Variants in TUSC3 observed in about 807,000 individuals in gnomAD.
TUSC3 encodes the protein tumor suppressor candidate 3, also known as dolichyl-diphosphooligosaccharide--protein glycosyltransferase subunit TUSC3.
In TUSC3, 45 loss-of-function variants were observed where a neutral mutation model predicts 44.8. The ratio of observed to expected loss-of-function variants is 1.00; its 90% CI spans 0.79 to 1.29. The LOEUF is 1.29. Among genes scored for constraint, TUSC3 ranks in the 50% most tolerant of loss-of-function variants. The pLI is 0.00. For synonymous variants in TUSC3, 212 were observed against 152.9 expected, an observed-to-expected ratio of 1.39 and a Z score of -2.85; for missense variants, 519 against 437.9, an observed-to-expected ratio of 1.19 and a Z score of -1.65.
intron 1 of TUSC3, among the ~76,000 whole-genome samples, chr8:15,451,490 G>C (rs977042314): frequency 6.6e-6 from 1 of 152,126 alleles, no homozygotes; most frequent in African/African-American, 2.4e-5. Context: ...AAGCCAAAAG[G>C]ATAGGATTGG....
chr8:15,500,086 A>G (rs933426813), intron 2 of TUSC3, among the ~76,000 whole-genome samples: 4 of 152,148 alleles, frequency 2.6e-5, no homozygotes, highest in Non-Finnish European at 5.9e-5. Context: ...TCATTTTCAT[A>G]TATCCTCTAT....
intron 1 of TUSC3, among the ~76,000 whole-genome samples, chr8:15,456,354 C>T (rs1247340109): frequency 6.6e-6 from 1 of 151,980 alleles, no homozygotes; most frequent in Non-Finnish European, 1.5e-5. Context: ...CCTTTAGTTT[C>T]TGAACCTCTT....
the TUSC3 span, among the ~76,000 whole-genome samples, chr8:15,809,762 CG>C: frequency 6.6e-6 from 1 of 152,168 alleles, no homozygotes; most frequent in African/African-American, 2.4e-5. Context: ...AGTGCAACCA[CG>C]GATAAAAGAA....
At chr8:15,797,844 G>GA in the TUSC3 span, among the ~76,000 whole-genome samples, 1 of 152,322 alleles carries the variant, frequency 6.6e-6, no homozygotes, top group South Asian at 2.1e-4. Context: ...CGCAACGGCT[G>GA]ACGTGTTGGG....
At chr8:15,435,939 G>T (rs1201682072) in intron 1 of TUSC3, among the ~76,000 whole-genome samples, 1 of 152,140 alleles carries the variant, frequency 6.6e-6, no homozygotes, top group East Asian at 1.9e-4. Flanking sequence ...TTAGGGTTTT[G>T]GAGAAGCTTT....
chr8:15,631,491 G>A (rs1421921052), intron 2 of TUSC3, among the ~76,000 whole-genome samples: 3 of 152,040 alleles, frequency 2.0e-5, no homozygotes, highest in East Asian at 3.9e-4. Context: ...GGACACCTGT[G>A]CTACCCTTTA....
At chr8:15,825,548 T>A in the TUSC3 span, among the ~76,000 whole-genome samples, 1 of 152,104 alleles carries the variant, frequency 6.6e-6, no homozygotes, top group African/African-American at 2.4e-5. Context: ...TGATGAGATT[T>A]GGGTGAGGAA....
chr8:15,590,884 G>A (rs1432157437), intron 1 of TUSC3, among the ~76,000 whole-genome samples: 1 of 152,048 alleles, frequency 6.6e-6, no homozygotes, highest in Non-Finnish European at 1.5e-5. Context: ...ATGTTGCCCA[G>A]GCTGGTGTCA....
At chr8:15,476,860 A>C (rs562308630) in intron 1 of TUSC3, among the ~76,000 whole-genome samples, 1 of 152,224 alleles carries the variant, frequency 6.6e-6, no homozygotes, top group Admixed American at 6.5e-5. Flanking sequence ...AAAGTTTTTC[A>C]CAACCAATGA....
intron 1 of TUSC3, among the ~76,000 whole-genome samples, chr8:15,619,143 G>A (rs1283677680): frequency 6.6e-6 from 1 of 152,182 alleles, no homozygotes; most frequent in Non-Finnish European, 1.5e-5. Context: ...CCTAGTTTAA[G>A]TGAGAAATGT....
the TUSC3 span, among the ~76,000 whole-genome samples, chr8:15,831,529 T>G: frequency 2.8e-5 from 4 of 142,508 alleles, no homozygotes; most frequent in African/African-American, 5.1e-5. Flanking sequence ...ACATTGAAAC[T>G]CAATCTAGAA....
chr8:15,623,973 C>G (rs973610880), intron 2 of TUSC3, among the ~76,000 whole-genome samples: 1 of 152,058 alleles, frequency 6.6e-6, no homozygotes, highest in Non-Finnish European at 1.5e-5. Flanking sequence ...TACTTCTTAC[C>G]TGTCGAACTT....
At chr8:15,811,781 A>G in the TUSC3 span, among the ~76,000 whole-genome samples, 3 of 152,156 alleles carry the variant, frequency 2.0e-5, no homozygotes, top group East Asian at 1.9e-4. Flanking sequence ...AGGTTAAAAG[A>G]ACCATCTGGG....
chr8:15,801,830 T>C, the TUSC3 span, among the ~76,000 whole-genome samples: 1 of 152,154 alleles, frequency 6.6e-6, no homozygotes, highest in African/African-American at 2.4e-5. Context: ...AAATAGGCAA[T>C]GCTGTTCAAG....
At chr8:15,808,636 A>G in the TUSC3 span, among the ~76,000 whole-genome samples, 1 of 152,182 alleles carries the variant, frequency 6.6e-6, no homozygotes, top group African/African-American at 2.4e-5. Context: ...CAGCCCAAGC[A>G]TAAGTCTTTT....
At chr8:15,452,469 G>A (rs1358010382) in intron 1 of TUSC3, among the ~76,000 whole-genome samples, 1 of 152,042 alleles carries the variant, frequency 6.6e-6, no homozygotes, top group Non-Finnish European at 1.5e-5. Flanking sequence ...ATCAGTTATA[G>A]ATGATATCTC....
At chr8:15,500,414 T>A (rs553352637) in intron 2 of TUSC3, among the ~76,000 whole-genome samples, 1 of 152,190 alleles carries the variant, frequency 6.6e-6, no homozygotes, top group Non-Finnish European at 1.5e-5. Context: ...CATCACATTT[T>A]TAAAAAATCA....
intron 1 of TUSC3, among the ~76,000 whole-genome samples, chr8:15,464,521 C>T (rs1334224718): frequency 6.6e-6 from 1 of 152,020 alleles, no homozygotes; most frequent in South Asian, 2.1e-4. Context: ...CTGTTTGACA[C>T]CTGAAACAAA....
At chr8:15,706,279 T>C (rs1313133488) in intron 6 of TUSC3, among the ~76,000 whole-genome samples, 1 of 150,166 alleles carries the variant, frequency 6.7e-6, no homozygotes, top group Non-Finnish European at 1.5e-5. Flanking sequence ...GTTAATTCTT[T>C]GTATTTATGT....
Sources: allele counts gnomAD v4.1 joint callset (sites outside exome capture counted in the v4.1 genomes callset), GRCh38; gene constraint gnomAD v4.1.1; transcripts MANE v1.5; gene names NCBI Gene and HGNC (gene_info 2026-07-23, HGNC 2026-07-21).